Variants in AFDN observed in about 807,000 individuals in gnomAD.
The protein encoded by AFDN is afadin, adherens junction formation factor.
AFDN carries 68 observed loss-of-function variants against 216.6 expected under a neutral mutation model. The observed-to-expected ratio is 0.31, with a 90% confidence interval of 0.26 to 0.38. The LOEUF (loss-of-function observed/expected upper bound fraction) is 0.38, where lower values mean the gene tolerates loss of function less well. Ranked by LOEUF, AFDN falls within the 10% of genes least tolerant of loss-of-function variation. AFDN has a pLI of 1.00. For missense variants in AFDN, 2,136 were observed against 2,342.0 expected (o/e 0.91, Z 1.82); for synonymous variants, 868 against 853.7 (o/e 1.02, Z -0.29).
At chr6:167,914,527 A>AT (rs3832452) in intron 17 of AFDN, 117 bp from the exon 18 acceptor site, 6,784 of 767,036 alleles carry the variant, frequency 8.8e-3, no homozygotes, top group South Asian at 0.01. Context: ...AAGATTCCAC[A>AT]TTTTTTTTTT....
intron 1 of AFDN, among the ~76,000 whole-genome samples, chr6:167,847,382 A>G (rs967470461): frequency 2.0e-5 from 3 of 152,086 alleles, no homozygotes; most frequent in Non-Finnish European, 2.9e-5. Context: ...CCAGTCCCTC[A>G]TATCTCTATT....
chr6:167,864,971 T>G, intron 2 of AFDN: 1 of 688,632 alleles, frequency 1.5e-6, no homozygotes, highest in South Asian at 1.5e-5. Context: ...ATGAATATAT[T>G]AATTTTGCAT....
In AFDN at chr6:167,895,715, C is replaced by T. The variant is rs141861442; in HGVS notation, c.1223-1163C>T. Among the ~76,000 whole-genome samples the T allele has an allele frequency of 3.8e-3, 576 of 152,312 alleles. 4 individuals carry two copies. The highest frequency in any genetic ancestry group is 0.013 in the African/African-American group (539 of 41,552). On this transcript the variant is annotated intron_variant, in intron 9 of 33. Coordinates refer to ENST00000683244, the MANE Select transcript of AFDN (RefSeq NM_001386888.1). ...GCTGAGAGATTTTAGCAGTCTCAAA[C>T]TCTGTGCACGCTCATACTCCAAACT...
intron 1 of AFDN, among the ~76,000 whole-genome samples, chr6:167,846,824 T>C (rs1420967004): frequency 6.6e-6 from 1 of 151,300 alleles, no homozygotes; most frequent in East Asian, 1.9e-4. Flanking sequence ...ATTAGAAAAG[T>C]CATAATTAAA....
chr6:167,845,869 A>G (rs1397858323), intron 1 of AFDN, among the ~76,000 whole-genome samples: 3 of 152,226 alleles, frequency 2.0e-5, no homozygotes, highest in Non-Finnish European at 2.9e-5. Context: ...TCAGTTCCAC[A>G]TGGCTGGGGA....
chr6:167,954,352 C>T (rs1434505843), intron 30 of AFDN: 27 of 800,220 alleles, frequency 3.4e-5, no homozygotes, highest in Non-Finnish European at 4.2e-5. Context: ...ACACAGATGA[C>T]GCATGATAGT....
Position 167,911,478 on chromosome 6 carries a change from G to T in AFDN, c.2026G>T (p.Gly676Cys). 1 of 1,614,006 alleles carries T rather than the reference G, an allele frequency of 6.2e-7. No individual in the cohort carries two copies. The highest frequency in any genetic ancestry group is 8.5e-7 in the Non-Finnish European group (1 of 1,179,952). The change falls in exon 15 of 34, where the codon GGT (glycine) becomes TGT (cysteine). Residue 676 changes from glycine (G) to cysteine (C), a missense_variant. Around this residue, in one of 8 missense-constraint regions of AFDN, gnomAD observed 817 missense variants for 965.7 expected, o/e 0.85. Coordinates refer to ENST00000683244, the MANE Select transcript of AFDN (RefSeq NM_001386888.1). ...CAACAAGATGGTGAGCATGATGGAG[G>T]GTGTCATCCAGGTACGTTCCAGCCG... ...VVNKMVSMME[G>C]VIQEVDQVDQ...
chr6:167,904,509 C>G (rs1789400551), intron 12 of AFDN, among the ~76,000 whole-genome samples: 1 of 152,158 alleles, frequency 6.6e-6, no homozygotes, highest in South Asian at 2.1e-4. Context: ...TGCACCCAGC[C>G]CCGATTCATA....
chr6:167,934,056 G>A (rs1473209388), intron 23 of AFDN, among the ~76,000 whole-genome samples: 4 of 152,170 alleles, frequency 2.6e-5, no homozygotes, highest in Non-Finnish European at 4.4e-5. Context: ...GTCGCACACC[G>A]CTTTGCGAGG....
chr6:167,913,861 C>T (rs1042236756), intron 16 of AFDN: 10 of 435,674 alleles, frequency 2.3e-5, no homozygotes, highest in African/African-American at 9.9e-5. Context: ...AGATAATGCA[C>T]GGTCTACAAT....
In AFDN at chr6:167,965,943, G is replaced by GCCTCCTACCTCA. The variant is rs1797506686; in HGVS notation, c.5156_5167dup (p.Leu1722_Lys1723insThrSerTyrLeu). ...CCCTCCTCCCCCGCCTCAGCGAAAC[G>GCCTCCTACCTCA]CCTCCTACCTCAAAACACAGGTCCT... On this transcript the variant is annotated inframe_insertion, in exon 32 of 34. Transcript: ENST00000683244. The GCCTCCTACCTCA allele has an allele frequency of 1.3e-6, 2 of 1,505,598 alleles. No individual in the cohort carries two copies. The highest frequency in any genetic ancestry group is 1.8e-6 in the Non-Finnish European group (2 of 1,121,342). 93.3% of individuals were successfully genotyped at this position (1,505,598 alleles called of 1,614,324 possible).
intron 2 of AFDN, 28 bp from the exon 3 acceptor site, chr6:167,870,358 C>CT (rs761528347): frequency 8.4e-6 from 12 of 1,429,172 alleles, no homozygotes; most frequent in South Asian, 2.5e-5. Flanking sequence ...ATAGCTTATT[C>CT]TTTTTTTCAT....
intron 1 of AFDN, among the ~76,000 whole-genome samples, chr6:167,863,542 G>A (rs1476513269): frequency 6.6e-6 from 1 of 152,228 alleles, no homozygotes; most frequent in East Asian, 1.9e-4. Flanking sequence ...GATTCTGGGT[G>A]TATTTTGATG....
intron 1 of AFDN, among the ~76,000 whole-genome samples, chr6:167,836,937 G>A (rs1780507868): frequency 6.6e-6 from 1 of 152,132 alleles, no homozygotes; most frequent in Admixed American, 6.5e-5. Context: ...TGTTTTTACT[G>A]AATTTAATGT....
chr6:167,920,737 T>C (rs1394360110), intron 21 of AFDN, among the ~76,000 whole-genome samples: 1 of 152,246 alleles, frequency 6.6e-6, no homozygotes, highest in Non-Finnish European at 1.5e-5. Context: ...GTCATTCATA[T>C]TGAACTGTAT....
intron 18 of AFDN, 50 bp from the exon 19 acceptor site, chr6:167,915,118 C>T (rs200261327): frequency 1.0e-5 from 16 of 1,594,596 alleles, no homozygotes; most frequent in Middle Eastern, 1.9e-4. Context: ...TCAAAGGCTT[C>T]TTCCTGGATG....
intron 1 of AFDN, among the ~76,000 whole-genome samples, chr6:167,841,647 G>A (rs1781086874): frequency 6.6e-6 from 1 of 152,016 alleles, no homozygotes. Flanking sequence ...AGTTTTTTCG[G>A]TATCCTCTTA....
intron 5 of AFDN, among the ~76,000 whole-genome samples, chr6:167,876,516 A>G: frequency 6.6e-6 from 1 of 152,258 alleles, no homozygotes. Flanking sequence ...AGGAATGCTA[A>G]GAAATGGCTA....
intron 1 of AFDN, among the ~76,000 whole-genome samples, chr6:167,852,586 G>C: frequency 6.6e-6 from 1 of 152,154 alleles, no homozygotes; most frequent in East Asian, 1.9e-4. Flanking sequence ...GTCTAAATCA[G>C]TTAATGGCTA....
Sources: allele counts gnomAD v4.1 joint callset (sites outside exome capture counted in the v4.1 genomes callset), GRCh38; gene constraint gnomAD v4.1.1; regional missense constraint gnomAD v4.1.1; transcripts MANE v1.5; gene names NCBI Gene and HGNC (gene_info 2026-07-23, HGNC 2026-07-21).